ST6GAL2: variants seen among roughly 807,000 people sequenced by gnomAD.
ST6GAL2 encodes the protein beta-galactoside alpha-2,6-sialyltransferase 2.
In ST6GAL2, 24 loss-of-function variants were observed where a neutral mutation model predicts 37.5. The observed-to-expected ratio is 0.64, with a 90% CI of 0.46 to 0.90. ST6GAL2 has a LOEUF of 0.90. ST6GAL2 is among the 40% of genes least tolerant of loss of function. The pLI, the probability that ST6GAL2 is intolerant of heterozygous loss-of-function variation, is 0.00. For missense variants in ST6GAL2, 715 were observed against 712.7 expected (o/e 1.00, Z -0.04); for synonymous variants, 306 against 295.1 (o/e 1.04, Z -0.38).
chr2:106,817,525 C>G (rs1675847835), intron 5 of ST6GAL2, among the ~76,000 whole-genome samples: 1 of 152,208 alleles, frequency 6.6e-6, no homozygotes, highest in South Asian at 2.1e-4. Flanking sequence ...GATCCATCAT[C>G]TGCTGACTAA....
At chr2:106,834,241 T>G (rs1328496515) in intron 2 of ST6GAL2, 95 bp from the exon 3 acceptor site, 3 of 784,314 alleles carry the variant, frequency 3.8e-6, no homozygotes, top group Non-Finnish European at 6.6e-6. Flanking sequence ...TACCTGAAGC[T>G]AATTATACAT....
intron 2 of ST6GAL2, among the ~76,000 whole-genome samples, chr2:106,836,429 C>A (rs941038462): frequency 1.3e-5 from 2 of 152,082 alleles, no homozygotes; most frequent in African/African-American, 4.8e-5. Flanking sequence ...GAATCTGAAA[C>A]CTATCAATGA....
In ST6GAL2 at chr2:106,806,825, C is replaced by A; in HGVS notation, c.1443G>T (p.Ala481=). ...GCTTCTCATAGAGTAGTGGGTGGTA[C>A]GCCCCGAGGGTGCAGGCTGCGTCGT... ...LYYDAACTLG[A]YHPLLYEKLL... The change falls in exon 6 of 6, where the codon GCG becomes GCT. Residue 481 remains alanine (A), a synonymous_variant. Transcript: ENST00000409382. The A allele has an allele frequency of 6.2e-7, 1 of 1,614,166 alleles. No homozygotes were observed. The highest frequency in any genetic ancestry group is 8.5e-7 in the Non-Finnish European group (1 of 1,180,046).
Position 106,837,469 on chromosome 2 carries a change from G to A in ST6GAL2, c.944-3323C>T, listed in dbSNP as rs148837403. On this transcript the variant is annotated intron_variant, in intron 2 of 5. Transcript: ENST00000409382. Reference sequence around the variant, plus strand: ...ACTTACCAGAATAGTTTTTTCTCATGGACCCTCGAAAGGGTCTTGCAAAGG... The same window carrying A: ...ACTTACCAGAATAGTTTTTTCTCATAGACCCTCGAAAGGGTCTTGCAAAGG... 7.4e-3 allele frequency among the ~76,000 whole-genome samples: 1,128 copies of A among 152,280 alleles called. 21 individuals are homozygous for A. Among genetic ancestry groups the A allele is most frequent in the Admixed American group, 0.034 (525 of 15,300 alleles).
chr2:106,834,500 A>T (rs1676553285), intron 2 of ST6GAL2: 3 of 184,548 alleles, frequency 1.6e-5, no homozygotes, highest in African/African-American at 7.1e-5. Context: ...ACTGTACTGG[A>T]GCAGATAAAG....
intron 5 of ST6GAL2, among the ~76,000 whole-genome samples, chr2:106,809,827 G>C (rs1271183478): frequency 6.6e-6 from 1 of 152,144 alleles, no homozygotes. Flanking sequence ...GGATGCCATG[G>C]CTATGTGAAA....
chr2:106,868,724 A>G (rs972842977), intron 1 of ST6GAL2, among the ~76,000 whole-genome samples: 3 of 152,208 alleles, frequency 2.0e-5, no homozygotes, highest in African/African-American at 7.2e-5. Flanking sequence ...AACTGTCATC[A>G]ATCTACCATC....
At chr2:106,884,938 T>TATATATATATATACACAC (rs1426798721) in intron 1 of ST6GAL2, among the ~76,000 whole-genome samples, 1 of 123,724 alleles carries the variant, frequency 8.1e-6, no homozygotes, top group African/African-American at 3.0e-5. Context: ...TATATATACA[T>TATATATATATATACACAC]ACACACACAC....
chr2:106,811,957 T>A (rs1200017322), intron 5 of ST6GAL2, among the ~76,000 whole-genome samples: 1 of 151,766 alleles, frequency 6.6e-6, no homozygotes. Context: ...TCCCAGGGAG[T>A]GGCACAGGGA....
At chr2:106,812,540 C>G (rs1446942010) in intron 5 of ST6GAL2, among the ~76,000 whole-genome samples, 1 of 152,186 alleles carries the variant, frequency 6.6e-6, no homozygotes, top group Non-Finnish European at 1.5e-5. Flanking sequence ...CATAGTGAAC[C>G]ACGCTTATCA....
At chr2:106,820,424 A>C (rs2104439392) in intron 5 of ST6GAL2, among the ~76,000 whole-genome samples, 1 of 152,248 alleles carries the variant, frequency 6.6e-6, no homozygotes, top group Admixed American at 6.5e-5. Context: ...TTTAGCAAGA[A>C]GATATAGCAA....
intron 1 of ST6GAL2, among the ~76,000 whole-genome samples, chr2:106,865,294 G>A (rs1410482176): frequency 6.6e-6 from 1 of 152,146 alleles, no homozygotes; most frequent in Non-Finnish European, 1.5e-5. Context: ...GCCCTTAGAA[G>A]GGTACTAATT....
Position 106,820,125 on chromosome 2 carries a change from G to C in ST6GAL2, c.1318+9941C>G, listed in dbSNP as rs533048075. Among the ~76,000 whole-genome samples, 82 of 152,130 alleles carry C rather than the reference G, an allele frequency of 5.4e-4. No individual in the cohort carries two copies. The Middle Eastern group carries it at 0.01, about 19-fold the overall frequency. On this transcript the variant is annotated intron_variant, in intron 5 of 5. Transcript: ENST00000409382. Reference sequence around the variant, plus strand: ...AGGAGTAAGTCCTTACTTATCAATAGTAACACTGAATGTAAATGGCCTGAA... The same window carrying C: ...AGGAGTAAGTCCTTACTTATCAATACTAACACTGAATGTAAATGGCCTGAA...
intron 5 of ST6GAL2, among the ~76,000 whole-genome samples, chr2:106,829,734 A>G (rs1264028244): frequency 2.0e-5 from 3 of 152,086 alleles, no homozygotes; most frequent in Admixed American, 6.5e-5. Flanking sequence ...CCACCTGTTA[A>G]TGGCTCTTAC....
At position 106,804,166 on chromosome 2, in the gene ST6GAL2, G is replaced by A. The variant is rs2104401915; in HGVS notation, c.*2512C>T. On this transcript the variant is annotated 3_prime_UTR_variant, in exon 6 of 6. Coordinates refer to ENST00000409382, the MANE Select transcript of ST6GAL2 (RefSeq NM_001142351.2). ...TCCTTTGTACTCTTCAGTCTTTCTTGTAACCTCAATGAAACTGAAAGTACT... is the reference window on the plus strand; with the variant it reads ...TCCTTTGTACTCTTCAGTCTTTCTTATAACCTCAATGAAACTGAAAGTACT... The A allele has an allele frequency of 6.6e-6, 1 of 152,196 alleles. No individual in the cohort carries two copies. Among genetic ancestry groups the A allele is most frequent in the African/African-American group, 2.4e-5 (1 of 41,550 alleles). 9.4% of individuals were successfully genotyped at this position (152,196 alleles called of 1,614,324 possible). A position where few individuals can be genotyped will look rare whatever the true frequency, so the allele number is the denominator to read the frequency against.
chr2:106,879,782 C>T (rs553789202), intron 1 of ST6GAL2, among the ~76,000 whole-genome samples: 193 of 146,586 alleles, frequency 1.3e-3, no homozygotes, highest in African/African-American at 4.5e-3. Context: ...TACTATTATA[C>T]GTATAGATCA....
At chr2:106,848,910 G>A (rs1324659916) in intron 1 of ST6GAL2, among the ~76,000 whole-genome samples, 2 of 152,140 alleles carry the variant, frequency 1.3e-5, no homozygotes, top group East Asian at 3.9e-4. Flanking sequence ...TCAGATCACT[G>A]CACCTCCTCA....
chr2:106,854,290 C>A (rs991370615), intron 1 of ST6GAL2, among the ~76,000 whole-genome samples: 1 of 152,134 alleles, frequency 6.6e-6, no homozygotes, highest in Non-Finnish European at 1.5e-5. Flanking sequence ...TTTGGATAAG[C>A]CTTAATTTCG....
At chr2:106,883,242 T>C (rs1678825361) in intron 1 of ST6GAL2, among the ~76,000 whole-genome samples, 1 of 152,178 alleles carries the variant, frequency 6.6e-6, no homozygotes, top group Non-Finnish European at 1.5e-5. Context: ...AAGGGTAAAT[T>C]TCAAATTTTG....
Sources: gnomAD v4.1 joint callset for allele counts (sites outside exome capture counted in the v4.1 genomes callset) on GRCh38, gnomAD v4.1.1 for gene constraint, MANE v1.5 for transcripts, NCBI Gene and HGNC (gene_info 2026-07-23, HGNC 2026-07-21) for gene names.